The following HSPG2 variants were observed in gnomAD, a reference collection of about 807,000 sequenced individuals.
The protein encoded by HSPG2 is basement membrane-specific heparan sulfate proteoglycan core protein.
A neutral mutation model predicts 526.6 loss-of-function variants in HSPG2; 278 were observed. The ratio of observed to expected loss-of-function variants is 0.53; its 90% CI spans 0.48 to 0.58. The LOEUF is 0.58. HSPG2 is among the 20% of genes least tolerant of loss of function. The probability of loss-of-function intolerance (pLI) is 0.00; values close to 1 mark genes in which losing one functional copy is unlikely to be tolerated. For synonymous variants in HSPG2, 2,465 were observed against 2,555.4 expected, an observed-to-expected ratio of 0.96 and a Z score of 1.07; for missense variants, 5,354 against 6,099.5, an observed-to-expected ratio of 0.88 and a Z score of 4.07.
At chr1:21,843,033 G>C in intron 66 of HSPG2, 112 bp from the exon 67 acceptor site, 1 of 1,245,908 alleles carries the variant, frequency 8.0e-7, no homozygotes, top group Non-Finnish European at 1.2e-6. Context: ...GCGGTGGCTT[G>C]AGAGTGGCTG....
rs765818449 is a variant in HSPG2 at position 21,872,333 on chromosome 1, C to T, written c.4074G>A (p.Leu1358=). 7 of 1,581,388 alleles carry T rather than the reference C, an allele frequency of 4.4e-6. No individual in the cohort carries two copies. Among genetic ancestry groups the T allele is most frequent in the Non-Finnish European group, 5.2e-6 (6 of 1,163,404 alleles). ...FAPGDFQGFA[L]VNPQRNSRLT... ...GGCGGCTGTTTCGCTGTGGGTTCAC[C>T]AGGGCAAAGCCTTGGAAGTCCCCAG... The change falls in exon 33 of 97, where the codon CTG becomes CTA. Residue 1358 remains leucine (L), a synonymous_variant. Coordinates refer to ENST00000374695, the MANE Select transcript of HSPG2 (RefSeq NM_005529.7). This position sits in a 1 kb window ranked among gnomAD's most constrained non-coding sequence, Gnocchi z 5.5.
At position 21,839,725 on chromosome 1, in the gene HSPG2, C is replaced by T. The variant is rs188767785; in HGVS notation, c.9709+97G>A. The T allele has an allele frequency of 8.4e-5, 122 of 1,455,926 alleles. No homozygotes were observed. The East Asian group carries it at 2.7e-3, about 32-fold the overall frequency. The allele number at this position is 1,455,926 out of a possible 1,614,324, so 90.2% of individuals were successfully genotyped here. A position where few individuals can be genotyped will look rare whatever the true frequency, so the allele number is the denominator to read the frequency against. On this transcript the variant is annotated intron_variant, in intron 72 of 96. Transcript: ENST00000374695. The surrounding 1 kb of genome is among the most constrained non-coding windows in gnomAD (Gnocchi z 4.5). ...ACACGGTCTCCCCGTACTCCCCACC[C>T]CTGGGCATGACATCATCTCTAGATC... is the stretch of plus-strand genomic sequence containing the variant.
At chr1:21,878,847 G>T in intron 18 of HSPG2, 147 bp downstream of exon 18, 1 of 1,215,166 alleles carries the variant, frequency 8.2e-7, no homozygotes, top group Admixed American at 2.0e-5. Context: ...AAAGGAAACA[G>T]AGGCCTAGAG....
At chr1:21,851,767 GC>G in intron 54 of HSPG2, 23 bp downstream of exon 54, 3 of 1,614,008 alleles carry the variant, frequency 1.9e-6, no homozygotes, top group Non-Finnish European at 2.5e-6. Flanking sequence ...CTGCATCCCA[GC>G]CCAGCCTGGT....
chr1:21,830,531 T>A, intron 85 of HSPG2: 1 of 268,904 alleles, frequency 3.7e-6, no homozygotes, highest in African/African-American at 2.2e-5. Flanking sequence ...CTACTAAAAA[T>A]GCAAAAAATT....
At chr1:21,861,938 C>T in intron 38 of HSPG2, 50 bp downstream of exon 38, 1 of 1,614,210 alleles carries the variant, frequency 6.2e-7, no homozygotes, top group Non-Finnish European at 8.5e-7. Flanking sequence ...ACGCCTTCCA[C>T]TCATTCCCCA....
At position 21,876,153 on chromosome 1, in the gene HSPG2, C is replaced by A. The variant is rs1641046974; in HGVS notation, c.3003+76G>T. The A allele has an allele frequency of 1.9e-6, 3 of 1,564,278 alleles. No individual in the cohort carries two copies. In the Admixed American group the frequency reaches 5.6e-5, roughly 29 times the overall value. ...TCACTATTCTCCCAAGGCACCACGA[C>A]CCTCCCGCCTCCAAGCCTTTGCCTG... On this transcript the variant is annotated intron_variant, in intron 23 of 96. Transcript: ENST00000374695.
Position 21,890,077 on chromosome 1 carries a change from G to C in HSPG2, c.478C>G (p.Gln160Glu). The C allele has an allele frequency of 6.2e-7, 1 of 1,613,950 alleles. No individual in the cohort carries two copies. The change falls in exon 6 of 97, where the codon CAG (glutamine) becomes GAG (glutamate). Residue 160 changes from glutamine (Q) to glutamate (E), a missense_variant. Gln to Glu is a conservative substitution (Grantham distance 29, BLOSUM62 2). Coordinates refer to ENST00000374695, the MANE Select transcript of HSPG2 (RefSeq NM_005529.7). The surrounding 1 kb of genome is among the most constrained non-coding windows in gnomAD (Gnocchi z 4.1). ...VGSEGNADGA[Q>E]IQEMLLRVIS... ...ACCCTGAGCAGCATCTCCTGAATCTGAGCCCCATCCGCATTCCCTTCCGAG... is the reference window on the plus strand; with the variant it reads ...ACCCTGAGCAGCATCTCCTGAATCTCAGCCCCATCCGCATTCCCTTCCGAG...
intron 57 of HSPG2, 54 bp from the exon 58 acceptor site, chr1:21,849,085 G>T: frequency 1.3e-6 from 2 of 1,595,124 alleles, no homozygotes; most frequent in Non-Finnish European, 1.7e-6. Flanking sequence ...TGCGGCTCAC[G>T]CCAAGCTCCT....
rs1450386306 is a variant in HSPG2 at position 21,839,428 on chromosome 1, A to C, written c.9832T>G (p.Cys3278Gly). ...TGCCCAGCAGGGCTAGTGGCATTGC[A>C]GATGTACTGGCCCGAGTCCTGCTGG... Reference protein sequence around the residue: ...VAQQDSGQYICNATSPAGHAE... With the variant: ...VAQQDSGQYIGNATSPAGHAE... The change falls in exon 73 of 97, where the codon TGC becomes GGC. Residue 3278 changes from cysteine to glycine, a missense_variant. Cys to Gly is a radical substitution (Grantham distance 159). Coordinates refer to ENST00000374695, the MANE Select transcript of HSPG2 (RefSeq NM_005529.7). The surrounding 1 kb of genome is among the most constrained non-coding windows in gnomAD (Gnocchi z 4.5). 3 of 1,614,018 alleles carry C rather than the reference A, an allele frequency of 1.9e-6. No homozygotes were observed. The highest frequency in any genetic ancestry group is 2.5e-6 in the Non-Finnish European group (3 of 1,179,988).
At chr1:21,873,117 G>C (rs774265499) in intron 30 of HSPG2, 26 bp from the exon 31 acceptor site, 6 of 1,585,784 alleles carry the variant, frequency 3.8e-6, no homozygotes, top group Non-Finnish European at 5.1e-6. Flanking sequence ...GCCATGGCTG[G>C]AGCCCCAAAC....
chr1:21,860,317 A>G, intron 39 of HSPG2, 82 bp from the exon 40 acceptor site: 2 of 1,322,538 alleles, frequency 1.5e-6, no homozygotes, highest in Non-Finnish European at 2.1e-6. Flanking sequence ...CCAGAAGCTC[A>G]GCAGGCCACC....
At chr1:21,902,259 G>T (rs931231308) in intron 1 of HSPG2, among the ~76,000 whole-genome samples, 1 of 152,190 alleles carries the variant, frequency 6.6e-6, no homozygotes. Flanking sequence ...TGCTTGTGCT[G>T]CCCGTGCCAC....
At chr1:21,935,234 A>G (rs1437627820) in intron 1 of HSPG2, among the ~76,000 whole-genome samples, 3 of 152,234 alleles carry the variant, frequency 2.0e-5, no homozygotes, top group African/African-American at 7.2e-5. Context: ...AATTTTATAA[A>G]GAGACTTCAG....
chr1:21,922,587 C>A (rs1047300725), intron 1 of HSPG2, among the ~76,000 whole-genome samples: 9 of 152,134 alleles, frequency 5.9e-5, no homozygotes, highest in Non-Finnish European at 1.3e-4. Context: ...GCCCCTGGGG[C>A]TTCTAGTACC....
At chr1:21,905,167 CCACCCACACACACACA>C (rs1332538361) in intron 1 of HSPG2, among the ~76,000 whole-genome samples, 5 of 120,780 alleles carry the variant, frequency 4.1e-5, no homozygotes, top group African/African-American at 2.2e-4. Context: ...CACCCACCAC[CCACCCACACACACACA>C]CACACACACA....
In HSPG2 at chr1:21,878,453, C is replaced by T. The variant is rs150004000; in HGVS notation, c.2597G>A (p.Gly866Asp). The T allele has an allele frequency of 7.5e-6, 12 of 1,608,116 alleles. No individual in the cohort carries two copies. In the African/African-American group the frequency reaches 9.4e-5, roughly 13 times the overall value. ...PGYEGNPIQPGGKCRPVNQEI... is the reference protein window; with the variant it reads ...PGYEGNPIQPDGKCRPVNQEI... ...CTCACTGACGGGCCTGCACTTCCCG[C>T]CGGGCTGGATGGGGTTGCCCTCGTA... Residue 866 changes from glycine (G) to aspartate (D), a missense_variant, in exon 20 of 97, where the codon GGC becomes GAC. Gly to Asp is a moderately conservative substitution (Grantham distance 94). Coordinates refer to ENST00000374695, the MANE Select transcript of HSPG2 (RefSeq NM_005529.7).
intron 77 of HSPG2, 120 bp downstream of exon 77, chr1:21,834,559 C>T (rs1165982934): frequency 2.4e-6 from 3 of 1,247,852 alleles, no homozygotes; most frequent in Non-Finnish European, 3.4e-6. Flanking sequence ...TAAACACACA[C>T]AATGGAAAAT....
At chr1:21,827,757 C>T in intron 91 of HSPG2, 106 bp downstream of exon 91, 2 of 1,148,708 alleles carry the variant, frequency 1.7e-6, no homozygotes, top group Non-Finnish European at 2.5e-6. Context: ...GCCCAGCAAG[C>T]TCCTCATATA....
Sources: allele counts gnomAD v4.1 joint callset (sites outside exome capture counted in the v4.1 genomes callset), GRCh38; gene constraint gnomAD v4.1.1; non-coding constraint Gnocchi (gnomAD v3.1); transcripts MANE v1.5; gene names NCBI Gene and HGNC (gene_info 2026-07-23, HGNC 2026-07-21).